The following SPTLC3 variants were observed in gnomAD, a reference collection of about 807,000 sequenced individuals.
SPTLC3 encodes the protein serine palmitoyltransferase long chain base subunit 3.
Under a neutral mutation model 59.3 loss-of-function variants are expected in SPTLC3, and 36 were observed. That is an observed-to-expected ratio of 0.61 (90% CI 0.47 to 0.80). The LOEUF (loss-of-function observed/expected upper bound fraction) is 0.80. Ranked by LOEUF, SPTLC3 falls within the 30% of genes least tolerant of loss-of-function variation. The pLI is 0.00. For synonymous variants in SPTLC3, 257 were observed against 240.8 expected, an observed-to-expected ratio of 1.07 and a Z score of -0.62; for missense variants, 625 against 685.1, an observed-to-expected ratio of 0.91 and a Z score of 0.98.
intron 2 of SPTLC3, 128 bp downstream of exon 2, chr20:13,049,258 A>C: frequency 6.8e-5 from 70 of 1,034,706 alleles, no homozygotes; most frequent in Non-Finnish European, 7.9e-5. Context: ...GGCAAATTTC[A>C]TTCATCTCCA....
intron 8 of SPTLC3, among the ~76,000 whole-genome samples, chr20:13,126,346 G>A (rs1313019578): frequency 1.3e-5 from 2 of 152,188 alleles, no homozygotes; most frequent in African/African-American, 4.8e-5. Flanking sequence ...TTGCCTTAAA[G>A]TTCAACTCCA....
intron 2 of SPTLC3, among the ~76,000 whole-genome samples, chr20:13,065,959 G>C (rs1988188398): frequency 6.6e-6 from 1 of 152,112 alleles, no homozygotes; most frequent in African/African-American, 2.4e-5. Flanking sequence ...TTAATTTCAA[G>C]TATACAATAT....
chr20:13,111,019 G>A (rs734261), intron 7 of SPTLC3, among the ~76,000 whole-genome samples: 114,160 of 151,972 alleles, frequency 0.75, 44,025 homozygotes, highest in African/African-American at 0.94. Flanking sequence ...TTTTTCTGCT[G>A]CATGAGTGGA....
intron 4 of SPTLC3, chr20:13,079,822 G>A (rs909798147): frequency 4.3e-6 from 2 of 464,884 alleles, no homozygotes; most frequent in South Asian, 1.6e-5. Context: ...TGCCACAGGG[G>A]CCACCCTGGT....
Position 13,110,191 on chromosome 20 carries a change from T to C in SPTLC3, c.906T>C (p.Ile302=), listed in dbSNP as rs1334881017. 6.2e-7 allele frequency: 1 copy of C among 1,613,534 alleles called. No homozygotes were observed. The highest frequency in any genetic ancestry group is 1.3e-5 in the African/African-American group (1 of 74,862). ...GAACCCGCAGAGCTTGGAAAAAGAT[T>C]CTCATCCTGGTGGAGGGTGTCTACA... The part of the protein sequence containing the change: ...QPRTRRAWKK[I]LILVEGVYSM... The change falls in exon 7 of 12, where the codon ATT becomes ATC. Residue 302 remains isoleucine, a synonymous_variant. Coordinates refer to ENST00000399002, the MANE Select transcript of SPTLC3 (RefSeq NM_018327.4).
chr20:13,026,438 G>A (rs541946573), intron 1 of SPTLC3, among the ~76,000 whole-genome samples: 1 of 152,214 alleles, frequency 6.6e-6, no homozygotes, highest in Admixed American at 6.5e-5. Flanking sequence ...GTGTGAGATG[G>A]TATGTCATTG....
At chr20:13,104,399 G>A (rs999555537) in intron 6 of SPTLC3, among the ~76,000 whole-genome samples, 2 of 152,136 alleles carry the variant, frequency 1.3e-5, no homozygotes, top group Non-Finnish European at 2.9e-5. Flanking sequence ...TGTTATAAAG[G>A]TTTTCCCCTT....
At chr20:13,160,600 C>G (rs889597189) in intron 11 of SPTLC3, among the ~76,000 whole-genome samples, 20 of 152,316 alleles carry the variant, frequency 1.3e-4, no homozygotes, top group African/African-American at 4.6e-4. Context: ...TTTAAAATTG[C>G]CTTTTATTGT....
At chr20:13,132,174 T>A in intron 9 of SPTLC3, among the ~76,000 whole-genome samples, 1 of 131,332 alleles carries the variant, frequency 7.6e-6, no homozygotes, top group African/African-American at 2.9e-5. Context: ...TGCTTTAATT[T>A]TTTTTTTTTT....
intron 1 of SPTLC3, among the ~76,000 whole-genome samples, chr20:13,025,157 C>T (rs906060891): frequency 2.0e-5 from 3 of 152,192 alleles, no homozygotes; most frequent in Non-Finnish European, 4.4e-5. Flanking sequence ...CAGGTAATAA[C>T]TGCTACCATA....
intron 4 of SPTLC3, among the ~76,000 whole-genome samples, chr20:13,086,115 T>C (rs1420670055): frequency 6.6e-6 from 1 of 152,122 alleles, no homozygotes; most frequent in East Asian, 1.9e-4. Context: ...TTCTTAGGAG[T>C]TAAAAAATGC....
intron 1 of SPTLC3, among the ~76,000 whole-genome samples, chr20:13,017,645 C>T (rs1279812102): frequency 1.3e-5 from 2 of 152,108 alleles, no homozygotes; most frequent in East Asian, 1.9e-4. Flanking sequence ...AGCTTATCAG[C>T]TATCATTAGT....
At chr20:13,120,864 G>GA (rs1990866770) in intron 8 of SPTLC3, among the ~76,000 whole-genome samples, 2 of 152,290 alleles carry the variant, frequency 1.3e-5, no homozygotes, top group Middle Eastern at 3.4e-3. Context: ...AGCCAGCAGA[G>GA]TTTTGCTGTT....
In SPTLC3 at chr20:13,117,629, G is replaced by A. The variant is rs572752482; in HGVS notation, c.1056G>A (p.Thr352=). The change falls in exon 8 of 12, where the codon ACG becomes ACA. Residue 352 remains threonine, a synonymous_variant. Transcript: ENST00000399002. ...TGGGCCCAACCGGCCGGGGTGTCAC[G>A]GAGTTCTTTGGACTAGACCCTCATG... ...GAVGPTGRGV[T]EFFGLDPHEV... The A allele has an allele frequency of 2.7e-5, 43 of 1,614,086 alleles. No homozygotes were observed. The highest frequency in any genetic ancestry group is 1.5e-4 in the African/African-American group (11 of 75,048).
At chr20:13,090,942 A>C in intron 4 of SPTLC3, 141 bp from the exon 5 acceptor site, 1 of 1,146,528 alleles carries the variant, frequency 8.7e-7, no homozygotes. Flanking sequence ...GGCTGTTTCT[A>C]GATTAGGGCA....
intron 1 of SPTLC3, among the ~76,000 whole-genome samples, chr20:13,043,264 C>T (rs757258854): frequency 2.0e-5 from 3 of 152,144 alleles, no homozygotes; most frequent in Non-Finnish European, 4.4e-5. Flanking sequence ...GCCATTTCAT[C>T]CTCCCTGAGC....
intron 1 of SPTLC3, among the ~76,000 whole-genome samples, chr20:13,014,592 G>C (rs1198463235): frequency 1.3e-5 from 2 of 152,102 alleles, no homozygotes; most frequent in African/African-American, 4.8e-5. Context: ...AACAGACCCA[G>C]AGATAAAGAT....
intron 2 of SPTLC3, among the ~76,000 whole-genome samples, chr20:13,058,333 A>G (rs1442119206): frequency 6.6e-6 from 1 of 152,206 alleles, no homozygotes; most frequent in African/African-American, 2.4e-5. Flanking sequence ...CAAAACAGAC[A>G]GCCCAGGCAC....
At chr20:13,092,351 G>T (rs190392807) in intron 5 of SPTLC3, among the ~76,000 whole-genome samples, 140 of 152,344 alleles carry the variant, frequency 9.2e-4, no homozygotes, top group African/African-American at 3.2e-3. Context: ...TTGCAAGTAA[G>T]CAAGTACATT....
Sources: allele counts gnomAD v4.1 joint callset (sites outside exome capture counted in the v4.1 genomes callset), GRCh38; gene constraint gnomAD v4.1.1; transcripts MANE v1.5; gene names NCBI Gene and HGNC (gene_info 2026-07-23, HGNC 2026-07-21).